NCOA2: variants seen among roughly 807,000 people sequenced by gnomAD.
The protein encoded by NCOA2 is nuclear receptor coactivator 2.
Under a neutral mutation model 145.1 loss-of-function variants are expected in NCOA2, and 21 were observed. That is an observed-to-expected ratio of 0.14 (90% CI 0.10 to 0.21). The LOEUF (loss-of-function observed/expected upper bound fraction) is 0.21. Among genes scored for constraint, NCOA2 ranks in the 10% least tolerant of loss-of-function variants. The probability of loss-of-function intolerance (pLI) is 1.00; values close to 1 mark genes in which losing one functional copy is unlikely to be tolerated. For missense variants in NCOA2, 1,472 were observed against 1,837.6 expected, an observed-to-expected ratio of 0.80 and a Z score of 3.64; for synonymous variants, 619 against 637.5, an observed-to-expected ratio of 0.97 and a Z score of 0.44.
At chr8:70,368,652 TTAAG>T (rs1405550585) in intron 1 of NCOA2, among the ~76,000 whole-genome samples, 2 of 152,228 alleles carry the variant, frequency 1.3e-5, no homozygotes, top group African/African-American at 2.4e-5. Flanking sequence ...ACTGTATTTC[TTAAG>T]TGTCACATAA....
At chr8:70,425,576 C>A in the NCOA2 span, among the ~76,000 whole-genome samples, 1 of 152,280 alleles carries the variant, frequency 6.6e-6, no homozygotes, top group African/African-American at 2.4e-5. Flanking sequence ...CCCATCAGAT[C>A]CATGACCAAT....
chr8:70,149,137 C>T (rs1316821822), intron 11 of NCOA2, among the ~76,000 whole-genome samples: 3 of 151,868 alleles, frequency 2.0e-5, no homozygotes, highest in Non-Finnish European at 2.9e-5. Flanking sequence ...AGTCTTTTGC[C>T]AGCTTAGGTA....
rs372052959 is a variant in NCOA2 at position 70,124,736 on chromosome 8, G to A, written c.4046C>T (p.Ala1349Val). ...CGCCCATCCATTTATGTCGGAGGGG[G>A]CCTGATAGGCTGGGTTGGCCTGAGA... is the stretch of plus-strand genomic sequence containing the variant. ...QQSQANPAYQ[A>V]PSDINGWAQG... The change falls in exon 20 of 23, where the codon GCC becomes GTC. Residue 1349 changes from alanine to valine, a missense_variant. Around this residue, in one of 4 missense-constraint regions of NCOA2, gnomAD observed 232 missense variants for 290.6 expected, o/e 0.80. Transcript: ENST00000452400. The A allele has an allele frequency of 1.2e-6, 2 of 1,613,234 alleles. No homozygotes were observed. Among genetic ancestry groups the A allele is most frequent in the African/African-American group, 1.3e-5 (1 of 74,848 alleles).
upstream of NCOA2, among the ~76,000 whole-genome samples, chr8:70,405,191 A>G (rs11996773): frequency 0.041 from 6,298 of 152,210 alleles, 427 homozygotes; most frequent in African/African-American, 0.14. Flanking sequence ...GCTTTTAAAC[A>G]TGTCTTCATC....
At chr8:70,201,359 C>G (rs1817866274) in intron 4 of NCOA2, among the ~76,000 whole-genome samples, 1 of 152,156 alleles carries the variant, frequency 6.6e-6, no homozygotes, top group South Asian at 2.1e-4. Flanking sequence ...GCTGGACTAG[C>G]AATCATAATC....
intron 11 of NCOA2, among the ~76,000 whole-genome samples, chr8:70,149,753 G>A (rs1328973469): frequency 6.6e-6 from 1 of 152,060 alleles, no homozygotes; most frequent in Non-Finnish European, 1.5e-5. Context: ...GTGCATGCTA[G>A]GATTGCTTTC....
intron 14 of NCOA2, among the ~76,000 whole-genome samples, chr8:70,139,897 C>T (rs1334771318): frequency 6.6e-6 from 1 of 152,030 alleles, no homozygotes; most frequent in Non-Finnish European, 1.5e-5. Flanking sequence ...AGGTGATCTG[C>T]CTACCTCAGC....
chr8:70,297,828 T>G (rs1481945128), intron 1 of NCOA2, among the ~76,000 whole-genome samples: 2 of 152,214 alleles, frequency 1.3e-5, no homozygotes, highest in East Asian at 1.9e-4. Flanking sequence ...GTCTGATCCT[T>G]CCACTGCACC....
At chr8:70,416,550 T>C in the NCOA2 span, among the ~76,000 whole-genome samples, 3 of 152,244 alleles carry the variant, frequency 2.0e-5, no homozygotes, top group Admixed American at 1.3e-4. Flanking sequence ...TTCACTCTTC[T>C]TGATATCTTG....
intron 2 of NCOA2, among the ~76,000 whole-genome samples, chr8:70,243,880 T>C (rs1005485197): frequency 2.0e-5 from 3 of 151,886 alleles, no homozygotes; most frequent in African/African-American, 7.2e-5. Flanking sequence ...TGTTTTTCTA[T>C]GTAAAGTGCC....
At chr8:70,357,352 G>A (rs1026272659) in intron 1 of NCOA2, 1 of 151,884 alleles carries the variant, frequency 6.6e-6, no homozygotes, top group Non-Finnish European at 1.5e-5. Flanking sequence ...AACACGGCTG[G>A]CCAGAGTGCA....
rs57813061 is a variant in NCOA2, at chr8:70,133,200, C to CTTTTTTTTTT, written c.3159-1208_3159-1199dup. Among the ~76,000 whole-genome samples, 8 of 106,968 alleles carry CTTTTTTTTTT rather than the reference C, an allele frequency of 7.5e-5. 1 individual carries two copies. Among genetic ancestry groups the CTTTTTTTTTT allele is most frequent in the African/African-American group, 2.4e-4 (6 of 24,860 alleles). 70.2% of individuals were successfully genotyped at this position (106,968 alleles called of 152,430 possible). A position where few individuals can be genotyped will look rare whatever the true frequency, so the allele number is the denominator to read the frequency against. ...TGTGTGCCACCACAACTGGCTGCTA[C>CTTTTTTTTTT]TTTTTTTTTTTTTTTTTTTTGGTAA... On this transcript the variant is annotated intron_variant, in intron 15 of 22. Coordinates refer to ENST00000452400, the MANE Select transcript of NCOA2 (RefSeq NM_006540.4).
At chr8:70,253,686 A>T (rs911783022) in intron 2 of NCOA2, among the ~76,000 whole-genome samples, 1 of 152,206 alleles carries the variant, frequency 6.6e-6, no homozygotes, top group Non-Finnish European at 1.5e-5. Context: ...GTATTGGGAA[A>T]ATTGGATATC....
chr8:70,279,496 A>C (rs531334680), intron 2 of NCOA2, among the ~76,000 whole-genome samples: 1 of 152,334 alleles, frequency 6.6e-6, no homozygotes, highest in Non-Finnish European at 1.5e-5. Flanking sequence ...AAAGCTGGTA[A>C]GGAAATACAA....
At chr8:70,162,062 C>T (rs1585902564) in intron 9 of NCOA2, among the ~76,000 whole-genome samples, 1 of 152,266 alleles carries the variant, frequency 6.6e-6, no homozygotes, top group East Asian at 1.9e-4. Flanking sequence ...TGAACCTCCT[C>T]GTCCCCTTGT....
In NCOA2 at chr8:70,144,788, A is replaced by G. The variant is rs1427085782; in HGVS notation, c.2666T>C (p.Leu889Pro). The change falls in exon 13 of 23, where the codon CTT becomes CCT. Residue 889 changes from leucine to proline, a missense_variant. By Grantham distance (98) the Leu-to-Pro change is moderately conservative. Around this residue, in one of 4 missense-constraint regions of NCOA2, gnomAD observed 953 missense variants for 1,062.1 expected, o/e 0.90. Transcript: ENST00000452400. ...GRLLPNQNLP[L>P]DITLQSPTGA... ...AGTTGGGCTTTGCAATGTGATGTCAAGTGGTAAATTCTGGTTTGGCAATAA... is the reference window on the plus strand; with the variant it reads ...AGTTGGGCTTTGCAATGTGATGTCAGGTGGTAAATTCTGGTTTGGCAATAA... 1 of 1,614,000 alleles carries G rather than the reference A, an allele frequency of 6.2e-7. No individual in the cohort carries two copies. The highest frequency in any genetic ancestry group is 2.2e-5 in the East Asian group (1 of 44,882).
intron 2 of NCOA2, among the ~76,000 whole-genome samples, chr8:70,292,396 C>CT (rs1826763888): frequency 2.6e-5 from 4 of 151,840 alleles, no homozygotes; most frequent in Admixed American, 2.6e-4. Flanking sequence ...CGTGATCTGC[C>CT]GCCTGGGAAT....
At chr8:70,429,349 C>G in the NCOA2 span, among the ~76,000 whole-genome samples, 3 of 152,196 alleles carry the variant, frequency 2.0e-5, no homozygotes, top group East Asian at 5.8e-4. Context: ...CCAGAGGTGA[C>G]AAGCCTTTCA....
At chr8:70,452,848 G>A in the NCOA2 span, among the ~76,000 whole-genome samples, 1 of 152,094 alleles carries the variant, frequency 6.6e-6, no homozygotes, top group African/African-American at 2.4e-5. Flanking sequence ...CAATTAGAAG[G>A]GAGTAAATGG....
Sources: allele counts gnomAD v4.1 joint callset (sites outside exome capture counted in the v4.1 genomes callset), GRCh38; gene constraint gnomAD v4.1.1; regional missense constraint gnomAD v4.1.1; transcripts MANE v1.5; gene names NCBI Gene and HGNC (gene_info 2026-07-23, HGNC 2026-07-21).